The following HPS1 variants were observed in gnomAD, a reference collection of about 807,000 sequenced individuals.
HPS1 encodes the protein HPS1 biogenesis of lysosomal organelles complex 3 subunit 1, also known as BLOC-3 complex member HPS1.
In HPS1, 59 loss-of-function variants were observed where a neutral mutation model predicts 90.6. The observed-to-expected ratio is 0.65, with a 90% CI of 0.53 to 0.81. The LOEUF (loss-of-function observed/expected upper bound fraction) is 0.81. HPS1 is among the 30% of genes least tolerant of loss of function. The probability of loss-of-function intolerance (pLI) is 0.00; values close to 1 mark genes in which losing one functional copy is unlikely to be tolerated. For synonymous variants in HPS1, 388 were observed against 384.4 expected, an observed-to-expected ratio of 1.01 and a Z score of -0.11; for missense variants, 849 against 896.7, an observed-to-expected ratio of 0.95 and a Z score of 0.68.
intron 2 of HPS1, 65 bp from the exon 3 acceptor site, chr10:98,443,305 A>G (rs2136330094): frequency 8.4e-7 from 1 of 1,184,318 alleles, no homozygotes; most frequent in African/African-American, 1.5e-5. Context: ...CAGTCTGAGT[A>G]ACGAAGAGGA....
At position 98,435,198 on chromosome 10, in the gene HPS1, G is replaced by C; in HGVS notation, c.398+74C>G. ...TATGTGAAAAATGGCAGCTTCACAG[G>C]GGCTGGGCACACGCTGCCTGGCCCA... is the stretch of plus-strand genomic sequence containing the variant. On this transcript the variant is annotated intron_variant, in intron 5 of 19. Coordinates refer to ENST00000361490, the MANE Select transcript of HPS1 (RefSeq NM_000195.5). This position sits in a 1 kb window ranked among gnomAD's most constrained non-coding sequence, Gnocchi z 4.3. 6.3e-7 allele frequency: 1 copy of C among 1,588,604 alleles called. No individual in the cohort carries two copies. Among genetic ancestry groups the C allele is most frequent in the Non-Finnish European group, 8.6e-7 (1 of 1,158,736 alleles).
rs188821407 is a variant in HPS1, at chr10:98,429,174, T to G, written c.937+399A>C. 156 of 1,051,930 alleles carry G rather than the reference T, an allele frequency of 1.5e-4. 1 individual carries two copies. In the African/African-American group the frequency reaches 2.4e-3, roughly 16 times the overall value. 65.2% of individuals were successfully genotyped at this position (1,051,930 alleles called of 1,614,324 possible). A position where few individuals can be genotyped will look rare whatever the true frequency, so the allele number is the denominator to read the frequency against. On this transcript the variant is annotated intron_variant, in intron 10 of 19. Coordinates refer to ENST00000361490, the MANE Select transcript of HPS1 (RefSeq NM_000195.5). ...AATATTTATAGTTTTTTTTTATTGT[T>G]TACCCACATACTTTGGAGAAACAAA...
At chr10:98,441,005 T>A (rs1938316296) in intron 3 of HPS1, among the ~76,000 whole-genome samples, 1 of 152,228 alleles carries the variant, frequency 6.6e-6, no homozygotes, top group South Asian at 2.1e-4. Context: ...ATCTCTGATA[T>A]CTTGTGTTTG....
intron 3 of HPS1, among the ~76,000 whole-genome samples, chr10:98,436,133 T>TGTCTGCAAAATTTCCTACAAATTA (rs1847290273): frequency 6.6e-6 from 1 of 152,206 alleles, no homozygotes; most frequent in Admixed American, 6.5e-5. Flanking sequence ...AAGTCTACTT[T>TGTCTGCAAAATTTCCTACAAATTA]GGAAAATTTG....
chr10:98,439,619 A>G (rs753107034), intron 3 of HPS1, among the ~76,000 whole-genome samples: 7 of 152,154 alleles, frequency 4.6e-5, no homozygotes, highest in Non-Finnish European at 8.8e-5. Context: ...TTTATTTTAC[A>G]GGGTCATAGG....
chr10:98,424,422 T>C (rs775168804), intron 13 of HPS1, 48 bp from the exon 14 acceptor site: 3 of 1,537,676 alleles, frequency 2.0e-6, no homozygotes. Flanking sequence ...ATATTTCCAG[T>C]GAGGTCCAGG....
At chr10:98,427,372 G>T in intron 10 of HPS1, 108 bp from the exon 11 acceptor site, 1 of 909,424 alleles carries the variant, frequency 1.1e-6, no homozygotes. Context: ...CTCAGCCCTT[G>T]GCTGCCAGCT....
At chr10:98,422,180 C>G (rs903135046) in intron 17 of HPS1, among the ~76,000 whole-genome samples, 189 bp downstream of exon 17, 1 of 152,232 alleles carries the variant, frequency 6.6e-6, no homozygotes, top group Non-Finnish European at 1.5e-5. Context: ...ATGGACCTTG[C>G]CGTTCTCTCC....
chr10:98,431,819 A>C (rs2136219156), intron 6 of HPS1, among the ~76,000 whole-genome samples: 1 of 152,382 alleles, frequency 6.6e-6, no homozygotes, highest in East Asian at 1.9e-4. Context: ...ACCACATTAA[A>C]AAAGTAAAAA....
intron 3 of HPS1, among the ~76,000 whole-genome samples, chr10:98,441,184 G>A (rs1172844192): frequency 6.6e-6 from 1 of 152,092 alleles, no homozygotes; most frequent in East Asian, 1.9e-4. Context: ...TGCATCCCCA[G>A]TAAAAATATT....
chr10:98,417,710 A>C lies in HPS1; in HGVS notation c.1957T>G (p.Tyr653Asp). Reference sequence around the variant, plus strand: ...GCCTCGGTTGGGCGGTTCTTGCTGTAGTAGCGCAGGAGCTTCCTGGGGAGG... The same window carrying C: ...GCCTCGGTTGGGCGGTTCTTGCTGTCGTAGCGCAGGAGCTTCCTGGGGAGG... ...GDYYRKLLRY[Y>D]SKNRPTEAVR... is the part of the protein sequence containing the mutation. Residue 653 changes from tyrosine (Y) to aspartate (D), a missense_variant, in exon 20 of 20, where the codon TAC becomes GAC. Tyr to Asp is a radical substitution (Grantham distance 160). Coordinates refer to ENST00000361490, the MANE Select transcript of HPS1 (RefSeq NM_000195.5). The surrounding 1 kb of genome is among the most constrained non-coding windows in gnomAD (Gnocchi z 4.2). 6.2e-7 allele frequency: 1 copy of C among 1,613,776 alleles called. No homozygotes were observed. The highest frequency in any genetic ancestry group is 1.1e-5 in the South Asian group (1 of 91,068).
chr10:98,423,281 C>CG (rs372730915), intron 16 of HPS1, among the ~76,000 whole-genome samples: 63 of 142,214 alleles, frequency 4.4e-4, no homozygotes, highest in South Asian at 3.4e-3. Context: ...CCACAGGAAC[C>CG]CCCCCCCCGG....
At chr10:98,442,694 G>T in intron 3 of HPS1, 1 of 254,382 alleles carries the variant, frequency 3.9e-6, no homozygotes, top group South Asian at 4.7e-5. Context: ...TTTTTGTAGA[G>T]ACAGGGTTTC....
At chr10:98,433,034 C>G (rs1846718734) in intron 6 of HPS1, among the ~76,000 whole-genome samples, 1 of 151,996 alleles carries the variant, frequency 6.6e-6, no homozygotes, top group South Asian at 2.1e-4. Context: ...GAGTTCGAGA[C>G]CAGCCTGACC....
At position 98,435,199 on chromosome 10, in the gene HPS1, G is replaced by C; in HGVS notation, c.398+73C>G. 2 of 1,587,938 alleles carry C rather than the reference G, an allele frequency of 1.3e-6. No homozygotes were observed. The highest frequency in any genetic ancestry group is 1.7e-6 in the Non-Finnish European group (2 of 1,158,118). ...ATGTGAAAAATGGCAGCTTCACAGG[G>C]GCTGGGCACACGCTGCCTGGCCCAG... On this transcript the variant is annotated intron_variant, in intron 5 of 19. Coordinates refer to ENST00000361490, the MANE Select transcript of HPS1 (RefSeq NM_000195.5). The surrounding 1 kb of genome is among the most constrained non-coding windows in gnomAD (Gnocchi z 4.3).
chr10:98,438,026 C>T (rs369487028), intron 3 of HPS1, among the ~76,000 whole-genome samples: 1 of 152,184 alleles, frequency 6.6e-6, no homozygotes, highest in Non-Finnish European at 1.5e-5. Flanking sequence ...TGCTGCCTTG[C>T]GAAGAAGGTG....
chr10:98,430,722 G>T, intron 7 of HPS1, 52 bp from the exon 8 acceptor site: 1 of 1,458,928 alleles, frequency 6.9e-7, no homozygotes, highest in South Asian at 1.2e-5. Flanking sequence ...GCAGGAGACG[G>T]GGCAGGCAGG....
intron 13 of HPS1, among the ~76,000 whole-genome samples, chr10:98,425,224 G>A (rs1845442269): frequency 6.6e-6 from 1 of 152,242 alleles, no homozygotes; most frequent in African/African-American, 2.4e-5. Context: ...ACTGCATCCG[G>A]GCTCTGGCTC....
intron 7 of HPS1, 149 bp from the exon 8 acceptor site, chr10:98,430,819 G>T: frequency 1.4e-6 from 1 of 735,942 alleles, no homozygotes; most frequent in Non-Finnish European, 2.4e-6. Flanking sequence ...TAATTAACTC[G>T]TCAAATTTCA....
Sources: gnomAD v4.1 joint callset for allele counts (sites outside exome capture counted in the v4.1 genomes callset) on GRCh38, gnomAD v4.1.1 for gene constraint, Gnocchi (gnomAD v3.1) non-coding constraint, MANE v1.5 for transcripts, NCBI Gene and HGNC (gene_info 2026-07-23, HGNC 2026-07-21) for gene names.